The following GPD2 variants were observed in gnomAD, a reference collection of about 807,000 sequenced individuals.
The protein encoded by GPD2 is glycerol-3-phosphate dehydrogenase 2.
GPD2 carries 54 observed loss-of-function variants against 82.4 expected under a neutral mutation model. The ratio of observed to expected loss-of-function variants is 0.66; its 90% CI spans 0.53 to 0.82. GPD2 has a LOEUF of 0.82. GPD2 is among the 40% of genes least tolerant of loss of function. The pLI, the probability that GPD2 is intolerant of heterozygous loss-of-function variation, is 0.00. For missense variants in GPD2, 748 were observed against 896.2 expected, an observed-to-expected ratio of 0.83 and a Z score of 2.11; for synonymous variants, 288 against 306.1, an observed-to-expected ratio of 0.94 and a Z score of 0.62.
chr2:156,478,680 A>G (rs1052295250), intron 2 of GPD2, among the ~76,000 whole-genome samples: 1 of 152,174 alleles, frequency 6.6e-6, no homozygotes, highest in Non-Finnish European at 1.5e-5. Context: ...TAGTCAAAAA[A>G]AAATCTGCCC....
chr2:156,436,980 A>G (rs1573865435), intron 1 of GPD2, among the ~76,000 whole-genome samples: 2 of 152,202 alleles, frequency 1.3e-5, no homozygotes, highest in African/African-American at 4.8e-5. Flanking sequence ...AGTAACTTCT[A>G]CCAGCAAAAA....
At chr2:156,425,760 T>C in the GPD2 span, among the ~76,000 whole-genome samples, 1 of 152,176 alleles carries the variant, frequency 6.6e-6, no homozygotes, top group South Asian at 2.1e-4. Context: ...TCCTTATTTG[T>C]TTTACAATAG....
chr2:156,537,999 G>A (rs146165993), intron 6 of GPD2, among the ~76,000 whole-genome samples: 1 of 152,316 alleles, frequency 6.6e-6, no homozygotes, highest in East Asian at 1.9e-4. Context: ...TATGGCAATA[G>A]CATCTAGCAT....
intron 1 of GPD2, among the ~76,000 whole-genome samples, chr2:156,446,905 T>C (rs1682387540): frequency 6.6e-6 from 1 of 152,110 alleles, no homozygotes; most frequent in African/African-American, 2.4e-5. Context: ...AATCTTAAAA[T>C]TTTTCTCCTT....
chr2:156,530,763 G>A (rs546592612), intron 6 of GPD2, among the ~76,000 whole-genome samples: 22 of 152,264 alleles, frequency 1.4e-4, no homozygotes, highest in African/African-American at 5.3e-4. Flanking sequence ...AACCAGCCTT[G>A]CATCCCAGGG....
At chr2:156,409,819 T>A in the GPD2 span, among the ~76,000 whole-genome samples, 1 of 152,232 alleles carries the variant, frequency 6.6e-6, no homozygotes, top group South Asian at 2.1e-4. Context: ...CCAGGTATGG[T>A]GGTTCATGCC....
chr2:156,409,169 C>T, the GPD2 span, among the ~76,000 whole-genome samples: 1 of 152,128 alleles, frequency 6.6e-6, no homozygotes, highest in Non-Finnish European at 1.5e-5. Flanking sequence ...GGATCTGTGG[C>T]GTCCAAAACT....
intron 6 of GPD2, among the ~76,000 whole-genome samples, chr2:156,517,089 GAGGTA>G (rs1685226303): frequency 6.6e-6 from 1 of 152,184 alleles, no homozygotes; most frequent in South Asian, 2.1e-4. Context: ...GAAGTTCATA[GAGGTA>G]ATAAAGAAGT....
At position 156,558,765 on chromosome 2, in the gene GPD2, CTTTTTTTTTT is replaced by C. The variant is rs34524248; in HGVS notation, c.1165+1205_1165+1214del. 5.6e-4 allele frequency among the ~76,000 whole-genome samples: 23 copies of C among 40,884 alleles called. No homozygotes were observed. In the South Asian group the frequency reaches 6.0e-3, roughly 11 times the overall value. The allele number at this position is 40,884 out of a possible 152,430, so 26.8% of individuals were successfully genotyped here. A position where few individuals can be genotyped will look rare whatever the true frequency, so the allele number is the denominator to read the frequency against. ...GGTGCCCACCACCACGCCCAGCTAA[CTTTTTTTTTT>C]TTTTTTTTTTTTTTTTTTTTTAAGT... is the stretch of plus-strand genomic sequence containing the variant. On this transcript the variant is annotated intron_variant, in intron 9 of 16. Transcript: ENST00000438166.
At chr2:156,439,487 C>A (rs1305259321) in intron 1 of GPD2, among the ~76,000 whole-genome samples, 1 of 111,542 alleles carries the variant, frequency 9.0e-6, no homozygotes, top group African/African-American at 3.5e-5. Flanking sequence ...GAGGCCAAAA[C>A]GTGAGAATTG....
chr2:156,433,725 C>T (rs1688348442), upstream of GPD2, among the ~76,000 whole-genome samples: 1 of 152,198 alleles, frequency 6.6e-6, no homozygotes, highest in Non-Finnish European at 1.5e-5. Flanking sequence ...GTGACTAGGA[C>T]TAGTGGGGAA....
intron 9 of GPD2, among the ~76,000 whole-genome samples, chr2:156,567,016 T>G (rs1387216342): frequency 6.6e-6 from 1 of 152,134 alleles, no homozygotes; most frequent in East Asian, 1.9e-4. Flanking sequence ...TATATCTTTT[T>G]TGGAGAAATA....
chr2:156,577,883 T>G (rs6744480), intron 13 of GPD2, among the ~76,000 whole-genome samples: 107,989 of 152,050 alleles, frequency 0.71, 38,483 homozygotes, highest in Middle Eastern at 0.82. Context: ...GAGTAAGAGA[T>G]GCTAAGCAAA....
chr2:156,446,215 C>T (rs1682366395), intron 1 of GPD2, among the ~76,000 whole-genome samples: 1 of 152,002 alleles, frequency 6.6e-6, no homozygotes, highest in African/African-American at 2.4e-5. Flanking sequence ...CCTGCCTCAG[C>T]CTCCCAAGTA....
intron 3 of GPD2, among the ~76,000 whole-genome samples, chr2:156,500,890 G>C (rs1232288832): frequency 6.6e-6 from 1 of 152,156 alleles, no homozygotes; most frequent in Non-Finnish European, 1.5e-5. Flanking sequence ...TTCTCCTGCA[G>C]GTCTCTAGGA....
the GPD2 span, among the ~76,000 whole-genome samples, chr2:156,428,481 T>G: frequency 6.6e-6 from 1 of 152,180 alleles, no homozygotes; most frequent in African/African-American, 2.4e-5. Flanking sequence ...TTGAAAGATA[T>G]TTTTTAGAAT....
At chr2:156,535,389 T>TG (rs5835622) in intron 6 of GPD2, among the ~76,000 whole-genome samples, 958 of 91,944 alleles carry the variant, frequency 0.01, 6 homozygotes, top group South Asian at 0.022. Context: ...GAAAAAGACC[T>TG]GGGGGGGGGC....
chr2:156,582,009 ATATT>A (rs1688044122), intron 16 of GPD2, among the ~76,000 whole-genome samples: 2 of 152,066 alleles, frequency 1.3e-5, no homozygotes, highest in Admixed American at 6.6e-5. Flanking sequence ...ATGTGTGTAT[ATATT>A]TATATGATGA....
the GPD2 span, among the ~76,000 whole-genome samples, chr2:156,412,252 A>G: frequency 6.6e-6 from 1 of 152,092 alleles, no homozygotes; most frequent in Non-Finnish European, 1.5e-5. Flanking sequence ...CCTGGCCAGC[A>G]TGGTGAAACC....
Sources: gnomAD v4.1 joint callset for allele counts (sites outside exome capture counted in the v4.1 genomes callset) on GRCh38, gnomAD v4.1.1 for gene constraint, MANE v1.5 for transcripts, NCBI Gene and HGNC (gene_info 2026-07-23, HGNC 2026-07-21) for gene names.